IL15RA: variants seen among roughly 807,000 people sequenced by gnomAD.
The protein encoded by IL15RA is interleukin 15 receptor subunit alpha.
IL15RA carries 26 observed loss-of-function variants against 24.2 expected under a neutral mutation model. The observed-to-expected ratio is 1.07, with a 90% CI of 0.79 to 1.49. The LOEUF (loss-of-function observed/expected upper bound fraction) is 1.49. Ranked by LOEUF, IL15RA falls within the 40% of genes most tolerant of loss-of-function variation. IL15RA has a pLI of 0.00. For missense variants in IL15RA, 354 were observed against 356.4 expected (o/e 0.99, Z 0.05); for synonymous variants, 166 against 157.6 (o/e 1.05, Z -0.40).
rs1475434454 is a variant in IL15RA at position 5,964,050 on chromosome 10, G to C, written c.284-209C>G. On this transcript the variant is annotated intron_variant, in intron 2 of 6. Transcript: ENST00000379977. This position sits in a 1 kb window ranked among gnomAD's most constrained non-coding sequence, Gnocchi z 5.6. ...ACTATTTTTCTTGCATTTCCAAAAA[G>C]ACTGCACAAGTTAAATATCAAATTT... Among the ~76,000 whole-genome samples the C allele has an allele frequency of 6.6e-6, 1 of 152,190 alleles. No homozygotes were observed. The highest frequency in any genetic ancestry group is 1.5e-5 in the Non-Finnish European group (1 of 68,036).
rs8177728 is a variant in IL15RA, at chr10:5,955,532, T to C, written c.692+847A>G. Among the ~76,000 whole-genome samples, 2,415 of 152,330 alleles carry C rather than the reference T, an allele frequency of 0.016. 66 individuals are homozygous for C. Among genetic ancestry groups the C allele is most frequent in the African/African-American group, 0.055 (2,279 of 41,572 alleles). ...GGAATGCTGGAATACTGGTTACTAA[T>C]TGATAGAAGTACAAAATGAAGGCTA... On this transcript the variant is annotated intron_variant, in intron 6 of 6. Coordinates refer to ENST00000379977, the MANE Select transcript of IL15RA (RefSeq NM_002189.4). The surrounding 1 kb of genome is among the most constrained non-coding windows in gnomAD (Gnocchi z 5.3).
rs1838280025 is a variant in IL15RA, at chr10:5,975,466, T to C, written c.88+1939A>G. Among the ~76,000 whole-genome samples, 1 of 150,758 alleles carries C rather than the reference T, an allele frequency of 6.6e-6. No individual in the cohort carries two copies. The highest frequency in any genetic ancestry group is 1.5e-5 in the Non-Finnish European group (1 of 68,008). The stretch of plus-strand genomic sequence containing the variant: ...AAGTCTTTGGGAGTGATAGTTGTGT[T>C]CACTCTTGGTGGTGGCAGTGGTTTC... On this transcript the variant is annotated intron_variant, in intron 1 of 6. Transcript: ENST00000379977. The surrounding 1 kb of genome is among the most constrained non-coding windows in gnomAD (Gnocchi z 4.8).
intron 1 of IL15RA, among the ~76,000 whole-genome samples, chr10:5,969,767 A>G: frequency 6.6e-6 from 1 of 152,372 alleles, no homozygotes; most frequent in East Asian, 1.9e-4. Context: ...AAGAATTGAT[A>G]TCTTAATAAT....
rs932048533 is a variant in IL15RA, at chr10:5,966,572, G to T, written c.89-233C>A. Among the ~76,000 whole-genome samples the T allele has an allele frequency of 6.6e-6, 1 of 152,044 alleles. No individual in the cohort carries two copies. The highest frequency in any genetic ancestry group is 2.4e-5 in the African/African-American group (1 of 41,394). On this transcript the variant is annotated intron_variant, in intron 1 of 6. Coordinates refer to ENST00000379977, the MANE Select transcript of IL15RA (RefSeq NM_002189.4). This position sits in a 1 kb window ranked among gnomAD's most constrained non-coding sequence, Gnocchi z 6.4. ...GCAAAACTACAGATGAGGGCGTGGG[G>T]AGAGGGTCATCGATGAAACACCCTC...
At position 5,953,778 on chromosome 10, in the gene IL15RA, GAAAT is replaced by G. The variant is rs553895100; in HGVS notation, c.693-576_693-573del. ...ACAGTTCTTAGCACTTAGTATGTGTGAAATAAATAAAGAAATACACAAATCAATC... is the reference window on the plus strand; with the variant it reads ...ACAGTTCTTAGCACTTAGTATGTGTGAAATAAAGAAATACACAAATCAATC... On this transcript the variant is annotated intron_variant, in intron 6 of 6. Coordinates refer to ENST00000379977, the MANE Select transcript of IL15RA (RefSeq NM_002189.4). The surrounding 1 kb of genome is among the most constrained non-coding windows in gnomAD (Gnocchi z 5.3). 183 of 175,546 alleles carry G rather than the reference GAAAT, an allele frequency of 1.0e-3. 3 individuals carry two copies. Among genetic ancestry groups the G allele is most frequent in the African/African-American group, 4.1e-3 (174 of 42,214 alleles). 10.9% of individuals were successfully genotyped at this position (175,546 alleles called of 1,614,324 possible).
chr10:5,958,395 CT>C lies in IL15RA; in HGVS notation c.616+1358del, dbSNP rs770461442. On this transcript the variant is annotated intron_variant, in intron 5 of 6. Transcript: ENST00000379977. The surrounding 1 kb of genome is among the most constrained non-coding windows in gnomAD (Gnocchi z 4.3). ...GTTAGAAATGGGATTTGCTTTTCGT[CT>C]TTTTTTTGAGACAGGGTCCTGTCCT... The C allele has an allele frequency of 2.3e-4, 98 of 425,664 alleles. No homozygotes were observed. The highest frequency in any genetic ancestry group is 3.8e-4 in the Admixed American group (15 of 39,682). 26.4% of individuals were successfully genotyped at this position (425,664 alleles called of 1,614,324 possible). A position where few individuals can be genotyped will look rare whatever the true frequency, so the allele number is the denominator to read the frequency against.
Position 5,967,660 on chromosome 10 carries a change from G to A in IL15RA, c.89-1321C>T, listed in dbSNP as rs1589229877. 6.6e-6 allele frequency among the ~76,000 whole-genome samples: 1 copy of A among 152,366 alleles called. No homozygotes were observed. Among genetic ancestry groups the A allele is most frequent in the Non-Finnish European group, 1.5e-5 (1 of 68,036 alleles). ...ATAGTGCATTGGAGAGAGAGTGGAT[G>A]AACCAATGGACACAGCTCAGCTCTG... On this transcript the variant is annotated intron_variant, in intron 1 of 6. Transcript: ENST00000379977. The surrounding 1 kb of genome is among the most constrained non-coding windows in gnomAD (Gnocchi z 4.4).
chr10:5,957,437 G>A lies in IL15RA; in HGVS notation c.617-983C>T, dbSNP rs933131649. On this transcript the variant is annotated intron_variant, in intron 5 of 6. Transcript: ENST00000379977. ...ACTACAGGCAGGTGCCACCATGCCC[G>A]GCTAATTTTTGTATTTTTAGTAGAG... Among the ~76,000 whole-genome samples the A allele has an allele frequency of 2.6e-5, 4 of 151,724 alleles. No individual in the cohort carries two copies. In the East Asian group the frequency reaches 7.8e-4, roughly 30 times the overall value.
At chr10:5,957,396 C>T (rs908888604) in intron 5 of IL15RA, among the ~76,000 whole-genome samples, 6 of 152,086 alleles carry the variant, frequency 3.9e-5, no homozygotes, top group African/African-American at 1.4e-4. Flanking sequence ...CTGCCTCAGC[C>T]TCCCGAGTAG....
chr10:5,954,657 G>A (rs906561025), intron 6 of IL15RA, among the ~76,000 whole-genome samples: 3 of 151,970 alleles, frequency 2.0e-5, no homozygotes, highest in South Asian at 2.1e-4. Context: ...TTTATTGGCC[G>A]TATATACCAA....
At chr10:5,969,275 A>C (rs1476339967) in intron 1 of IL15RA, among the ~76,000 whole-genome samples, 11 of 150,010 alleles carry the variant, frequency 7.3e-5, no homozygotes, top group African/African-American at 2.7e-4. Flanking sequence ...ATTTAATTAA[A>C]ATTTTATAAT....
downstream of IL15RA, chr10:5,949,216 C>T (rs2132202225): frequency 2.1e-6 from 1 of 471,208 alleles, no homozygotes; most frequent in Non-Finnish European, 4.4e-6. This position sits in a 1 kb window ranked among gnomAD's most constrained non-coding sequence, Gnocchi z 4.4. Flanking sequence ...CAGAGAGCCT[C>T]AGGTATGTCA....
Position 5,970,653 on chromosome 10 carries a change from T to A in IL15RA, c.89-4314A>T, listed in dbSNP as rs1466415182. On this transcript the variant is annotated intron_variant, in intron 1 of 6. Coordinates refer to ENST00000379977, the MANE Select transcript of IL15RA (RefSeq NM_002189.4). The surrounding 1 kb of genome is among the most constrained non-coding windows in gnomAD (Gnocchi z 4.1). ...AGTTACTTACTTTATAAAGTTGGAC[T>A]GTCTCATAACTATATTGGTGATATT... Among the ~76,000 whole-genome samples the A allele has an allele frequency of 6.6e-6, 1 of 152,212 alleles. No individual in the cohort carries two copies. Among genetic ancestry groups the A allele is most frequent in the Non-Finnish European group, 1.5e-5 (1 of 68,040 alleles).
In IL15RA at chr10:5,953,006, C is replaced by A; in HGVS notation, c.*89G>T. The A allele has an allele frequency of 1.0e-6, 1 of 970,210 alleles. No homozygotes were observed. Among genetic ancestry groups the A allele is most frequent in the South Asian group, 1.4e-5 (1 of 69,668 alleles). The allele number at this position is 970,210 out of a possible 1,614,324, so 60.1% of individuals were successfully genotyped here. On this transcript the variant is annotated 3_prime_UTR_variant, in exon 7 of 7. Coordinates refer to ENST00000379977, the MANE Select transcript of IL15RA (RefSeq NM_002189.4). This position sits in a 1 kb window ranked among gnomAD's most constrained non-coding sequence, Gnocchi z 5.3. Reference sequence around the variant, plus strand: ...GGCCTGGTGAGCTTGCTCCTGGAGCCCGCTTCCTTGCACCTCTTCTCAGTC... The same window carrying A: ...GGCCTGGTGAGCTTGCTCCTGGAGCACGCTTCCTTGCACCTCTTCTCAGTC...
upstream of IL15RA, chr10:5,977,586 C>A (rs938553538): frequency 8.0e-7 from 1 of 1,255,978 alleles, no homozygotes; most frequent in South Asian, 3.1e-5. Context: ...CCTGCCGCCC[C>A]GCCAGTCGCA....
At chr10:5,972,446 G>C (rs545268150) in intron 1 of IL15RA, among the ~76,000 whole-genome samples, 1 of 152,172 alleles carries the variant, frequency 6.6e-6, no homozygotes, top group African/African-American at 2.4e-5. Flanking sequence ...AAGTGTTTGT[G>C]AGTTGGACAA....
rs189620641 is a variant in IL15RA at position 5,952,554 on chromosome 10, G to C, written c.*541C>G. The C allele has an allele frequency of 6.4e-6, 1 of 155,598 alleles. No individual in the cohort carries two copies. The highest frequency in any genetic ancestry group is 1.4e-5 in the Non-Finnish European group (1 of 69,688). The allele number at this position is 155,598 out of a possible 1,614,324, so 9.6% of individuals were successfully genotyped here. ...CTGAATCCTTCAATGGAGAGGATTC[G>C]CTGGGCTCAGCATCTCTCCCACCTT... On this transcript the variant is annotated 3_prime_UTR_variant, in exon 7 of 7. Transcript: ENST00000379977.
rs1229391233 is a variant in IL15RA at position 5,970,388 on chromosome 10, T to C, written c.89-4049A>G. Among the ~76,000 whole-genome samples the C allele has an allele frequency of 6.6e-6, 1 of 152,252 alleles. No homozygotes were observed. The highest frequency in any genetic ancestry group is 1.5e-5 in the Non-Finnish European group (1 of 68,038). On this transcript the variant is annotated intron_variant, in intron 1 of 6. Coordinates refer to ENST00000379977, the MANE Select transcript of IL15RA (RefSeq NM_002189.4). This position sits in a 1 kb window ranked among gnomAD's most constrained non-coding sequence, Gnocchi z 4.1. ...TTATTTTGCTTTAAACAGTTGATTA[T>C]TGTTTATCAGCTCAGGATTTTAAAA... is the stretch of plus-strand genomic sequence containing the variant.
rs930773064 is a variant in IL15RA at position 5,955,186 on chromosome 10, G to A, written c.692+1193C>T. ...GTGATCTTGGCTCACTGCAACCTCCGCCTCCCTGGTTCAAGCAATTCTCCT... is the reference window on the plus strand; with the variant it reads ...GTGATCTTGGCTCACTGCAACCTCCACCTCCCTGGTTCAAGCAATTCTCCT... On this transcript the variant is annotated intron_variant, in intron 6 of 6. Transcript: ENST00000379977. This position sits in a 1 kb window ranked among gnomAD's most constrained non-coding sequence, Gnocchi z 5.3. Among the ~76,000 whole-genome samples, 10 of 150,650 alleles carry A rather than the reference G, an allele frequency of 6.6e-5. No individual in the cohort carries two copies. Among genetic ancestry groups the A allele is most frequent in the Non-Finnish European group, 8.9e-5 (6 of 67,796 alleles).
Sources: allele counts gnomAD v4.1 joint callset (sites outside exome capture counted in the v4.1 genomes callset), GRCh38; gene constraint gnomAD v4.1.1; non-coding constraint Gnocchi (gnomAD v3.1); transcripts MANE v1.5; gene names NCBI Gene and HGNC (gene_info 2026-07-23, HGNC 2026-07-21).